The following MYO16 variants were observed in gnomAD, a reference collection of about 807,000 sequenced individuals.
MYO16 encodes unconventional myosin-XVI.
In MYO16, 94 loss-of-function variants were observed where a neutral mutation model predicts 205.3. The ratio of observed to expected loss-of-function variants is 0.46; its 90% CI spans 0.39 to 0.54. The LOEUF (loss-of-function observed/expected upper bound fraction) is 0.54, where lower values mean the gene tolerates loss of function less well. Ranked by LOEUF, MYO16 falls within the 20% of genes least tolerant of loss-of-function variation. The pLI, the probability that MYO16 is intolerant of heterozygous loss-of-function variation, is 0.00. For synonymous variants in MYO16, 988 were observed against 954.0 expected (o/e 1.04, Z -0.66); for missense variants, 2,315 against 2,387.5 (o/e 0.97, Z 0.63).
chr13:109,106,875 T>C (rs923564976), intron 28 of MYO16, among the ~76,000 whole-genome samples: 1 of 152,202 alleles, frequency 6.6e-6, no homozygotes, highest in African/African-American at 2.4e-5. Flanking sequence ...GTGGCCTGTG[T>C]GTCCCGTTTG....
chr13:108,934,103 T>C (rs1043233680), intron 16 of MYO16, among the ~76,000 whole-genome samples: 3 of 152,156 alleles, frequency 2.0e-5, no homozygotes, highest in African/African-American at 7.2e-5. Flanking sequence ...TTCTTTTCCT[T>C]TGGATAACAA....
chr13:109,106,684 G>A (rs1050469344), intron 28 of MYO16, among the ~76,000 whole-genome samples: 34 of 152,220 alleles, frequency 2.2e-4, no homozygotes, highest in African/African-American at 5.8e-4. Flanking sequence ...GTCGGTCCAT[G>A]TGATACCAGG....
intron 4 of MYO16, among the ~76,000 whole-genome samples, chr13:108,729,588 C>T (rs917735449): frequency 2.0e-5 from 3 of 152,000 alleles, no homozygotes; most frequent in African/African-American, 4.8e-5. Context: ...TAAATTAAGC[C>T]GTGCCAAAAG....
intron 9 of MYO16, among the ~76,000 whole-genome samples, chr13:108,826,309 G>A (rs983309495): frequency 2.6e-5 from 4 of 152,064 alleles, no homozygotes; most frequent in Non-Finnish European, 4.4e-5. Context: ...ATGCCAAGAT[G>A]ATTCTATGGG....
chr13:108,659,658 C>A (rs976731292), intron 1 of MYO16, among the ~76,000 whole-genome samples: 6 of 152,120 alleles, frequency 3.9e-5, no homozygotes, highest in African/African-American at 1.4e-4. Flanking sequence ...AAGAGCAGGA[C>A]TAAGCATTTA....
intron 17 of MYO16, among the ~76,000 whole-genome samples, chr13:108,959,008 C>T (rs572770909): frequency 6.6e-6 from 1 of 152,156 alleles, no homozygotes; most frequent in African/African-American, 2.4e-5. Flanking sequence ...TATTTCCCTG[C>T]CCACACCGTT....
chr13:108,649,041 A>G (rs1880879944), intron 1 of MYO16, among the ~76,000 whole-genome samples: 1 of 141,036 alleles, frequency 7.1e-6, no homozygotes, highest in African/African-American at 2.6e-5. Flanking sequence ...CCAGTGTCCC[A>G]GGAAGGGGAA....
intron 16 of MYO16, among the ~76,000 whole-genome samples, chr13:108,942,367 C>G (rs1020926226): frequency 6.6e-6 from 1 of 152,034 alleles, no homozygotes; most frequent in African/African-American, 2.4e-5. Context: ...TCATAAAGCC[C>G]CTTAGAAAAT....
At chr13:108,496,454 G>T in the MYO16 span, among the ~76,000 whole-genome samples, 1 of 152,164 alleles carries the variant, frequency 6.6e-6, no homozygotes, top group Non-Finnish European at 1.5e-5. Context: ...CCTCTTGCGC[G>T]GATTCTGCTG....
At chr13:108,760,291 G>A (rs9521010) in intron 4 of MYO16, among the ~76,000 whole-genome samples, 68,009 of 151,842 alleles carry the variant, frequency 0.45, 16,556 homozygotes, top group East Asian at 0.64. Context: ...CACTCTTACA[G>A]GTATTTTATC....
intron 3 of MYO16, 83 bp downstream of exon 3, chr13:108,712,814 T>C (rs1883776689): frequency 1.0e-6 from 1 of 1,004,822 alleles, no homozygotes; most frequent in African/African-American, 1.6e-5. Flanking sequence ...GAACGAAATG[T>C]ACATCTCACA....
chr13:108,585,621 A>G, the MYO16 span, among the ~76,000 whole-genome samples: 3 of 152,234 alleles, frequency 2.0e-5, no homozygotes, highest in Admixed American at 6.5e-5. Flanking sequence ...TTTTCCCACA[A>G]GAGACTTTGC....
At chr13:109,188,315 A>G (rs1481905857) in intron 34 of MYO16, among the ~76,000 whole-genome samples, 1 of 152,174 alleles carries the variant, frequency 6.6e-6, no homozygotes, top group Non-Finnish European at 1.5e-5. Context: ...AACTATCTCT[A>G]CAATGTAATT....
chr13:108,963,765 C>T (rs1883679591), intron 19 of MYO16, among the ~76,000 whole-genome samples: 1 of 152,226 alleles, frequency 6.6e-6, no homozygotes, highest in Non-Finnish European at 1.5e-5. Context: ...ATTGAGCTCA[C>T]TATTAGTATC....
At chr13:108,896,580 T>A (rs956295838) in intron 14 of MYO16, among the ~76,000 whole-genome samples, 2 of 152,214 alleles carry the variant, frequency 1.3e-5, no homozygotes, top group Non-Finnish European at 2.9e-5. Context: ...TAATTTGTGG[T>A]TAGCGTCAAA....
rs1420356731 is a variant in MYO16 at position 108,619,145 on chromosome 13, C to T, written c.-39+22906C>T. On this transcript the variant is annotated intron_variant, in intron 1 of 24. Transcript: ENST00000251041. ...TTTGGTGATACTTCTCCACAACCAT[C>T]GCACTACAACTTACCTTAATCCACT... 6.6e-5 allele frequency among the ~76,000 whole-genome samples: 10 copies of T among 152,132 alleles called. No individual in the cohort carries two copies. In the East Asian group the frequency reaches 7.7e-4, roughly 12 times the overall value.
the MYO16 span, among the ~76,000 whole-genome samples, chr13:108,531,371 G>C: frequency 1.1e-4 from 17 of 152,324 alleles, no homozygotes; most frequent in Non-Finnish European, 2.2e-4. Context: ...AATGAAGATG[G>C]TCTTAGCAGT....
rs780965692 is a variant in MYO16 at position 109,141,350 on chromosome 13, C to G, written c.5138C>G (p.Ala1713Gly). 1.6e-5 allele frequency: 25 copies of G among 1,544,278 alleles called. No homozygotes were observed. The highest frequency in any genetic ancestry group is 8.7e-7 in the Non-Finnish European group (1 of 1,149,572). The stretch of plus-strand genomic sequence containing the variant: ...AGGAGTGTGCTTCGGAAATCCGCGG[C>G]GGGAAGAAAAATCAGGGAAGCAGAA... ...SGRSVLRKSA[A>G]GRKIREAEGF... The change falls in exon 32 of 35, where the codon GCG becomes GGG. Residue 1713 changes from alanine (A) to glycine (G), a missense_variant. Around this residue, in one of 3 missense-constraint regions of MYO16, gnomAD observed 1,097 missense variants for 1,092.0 expected, o/e 1.00. Coordinates refer to ENST00000457511, the MANE Select transcript of MYO16 (RefSeq NM_001198950.3). This position sits in a 1 kb window ranked among gnomAD's most constrained non-coding sequence, Gnocchi z 4.1.
intron 34 of MYO16, among the ~76,000 whole-genome samples, chr13:109,188,872 T>C (rs1879795014): frequency 6.6e-6 from 1 of 152,048 alleles, no homozygotes; most frequent in African/African-American, 2.4e-5. Flanking sequence ...CTTGGGTGGA[T>C]CACCTGAGGT....
Sources: allele counts gnomAD v4.1 joint callset (sites outside exome capture counted in the v4.1 genomes callset), GRCh38; gene constraint gnomAD v4.1.1; regional missense constraint gnomAD v4.1.1; non-coding constraint Gnocchi (gnomAD v3.1); transcripts MANE v1.5; gene names NCBI Gene and HGNC (gene_info 2026-07-23, HGNC 2026-07-21).